ZNF382: variants seen among roughly 807,000 people sequenced by gnomAD.
The protein encoded by ZNF382 is KRAB/zinc finger suppressor protein 1.
Under a neutral mutation model 38.8 loss-of-function variants are expected in ZNF382, and 20 were observed. That is an observed-to-expected ratio of 0.51 (90% CI 0.36 to 0.75). The LOEUF is 0.75. Ranked by LOEUF, ZNF382 falls within the 30% of genes least tolerant of loss-of-function variation. The pLI, the probability that ZNF382 is intolerant of heterozygous loss-of-function variation, is 0.00. For synonymous variants in ZNF382, 202 were observed against 223.1 expected (o/e 0.91, Z 0.84); for missense variants, 546 against 654.1 (o/e 0.83, Z 1.80).
intron 4 of ZNF382, among the ~76,000 whole-genome samples, chr19:36,622,309 C>T (rs1055292174): frequency 5.3e-5 from 8 of 152,130 alleles, no homozygotes; most frequent in Non-Finnish European, 1.2e-4. Context: ...GCATGAGCCA[C>T]CGGTGGCACC....
In ZNF382 at chr19:36,627,136, TG is replaced by T. The variant is rs769162959; in HGVS notation, c.1242del (p.Lys415ArgfsTer130). ...AGAAACCGTATCAGTGTAATGAGTG[TG>T]GGAAGGCATTTATCCAGAAGACAAC... ...GEKPYQCNEC[G>X]KAFIQKTTLT... is the part of the protein sequence containing the mutation. On this transcript the variant is annotated frameshift_variant, in exon 5 of 5. Transcript: ENST00000292928. LOFTEE classifies it high-confidence loss of function. 6.2e-7 allele frequency: 1 copy of T among 1,614,076 alleles called. No individual in the cohort carries two copies. Among genetic ancestry groups the T allele is most frequent in the Non-Finnish European group, 8.5e-7 (1 of 1,180,026 alleles).
At chr19:36,610,594 T>G in intron 3 of ZNF382, 56 bp from the exon 4 acceptor site, 3 of 1,429,046 alleles carry the variant, frequency 2.1e-6, no homozygotes. Flanking sequence ...TTATCTTACT[T>G]CAATAGTTTT....
rs1208317702 is a variant in ZNF382, at chr19:36,631,094, T to C, written c.*3544T>C. On this transcript the variant is annotated 3_prime_UTR_variant, in exon 5 of 5. Coordinates refer to ENST00000292928, the MANE Select transcript of ZNF382 (RefSeq NM_032825.5). ...GCCACTTCACTCACTTTAGAGATTT[T>C]CACTTTATGAATTGATAAATACAGC... 1 of 152,096 alleles carries C rather than the reference T, an allele frequency of 6.6e-6. No homozygotes were observed. Among genetic ancestry groups the C allele is most frequent in the Non-Finnish European group, 1.5e-5 (1 of 68,022 alleles). The allele number at this position is 152,096 out of a possible 1,614,324, so 9.4% of individuals were successfully genotyped here.
At chr19:36,616,007 G>C (rs1041962710) in intron 4 of ZNF382, among the ~76,000 whole-genome samples, 2 of 152,018 alleles carry the variant, frequency 1.3e-5, no homozygotes, top group Non-Finnish European at 2.9e-5. Flanking sequence ...TACATTTCTG[G>C]GGGTGTTAGG....
In ZNF382 at chr19:36,626,545, A is replaced by C; in HGVS notation, c.648A>C (p.Glu216Asp). Residue 216 changes from glutamate (E) to aspartate (D), a missense_variant, in exon 5 of 5, where the codon GAA becomes GAC. Coordinates refer to ENST00000292928, the MANE Select transcript of ZNF382 (RefSeq NM_032825.5). ...CAGAGCAACCATTTGACCATAATGA[A>C]TGTGAAAAATCCTTCCTGATGAAAG... Reference protein sequence around the residue: ...QAPEQPFDHNECEKSFLMKGM... With the variant: ...QAPEQPFDHNDCEKSFLMKGM... The C allele has an allele frequency of 6.2e-7, 1 of 1,613,318 alleles. No homozygotes were observed. Among genetic ancestry groups the C allele is most frequent in the Non-Finnish European group, 8.5e-7 (1 of 1,179,802 alleles).
Position 36,627,000 on chromosome 19 carries a change from C to G in ZNF382, c.1103C>G (p.Thr368Ser), listed in dbSNP as rs537671705. Residue 368 changes from threonine to serine, a missense_variant, in exon 5 of 5, where the codon ACT becomes AGT. Physicochemically the swap from Thr to Ser is moderately conservative, Grantham distance 58. Transcript: ENST00000292928. The stretch of plus-strand genomic sequence containing the variant: ...TCCTTCCGCCAGAAGGCCACCCTCA[C>G]TAGACATCACAAAACACATACGGGG... ...GKSFRQKATL[T>S]RHHKTHTGEK... The G allele has an allele frequency of 3.0e-5, 48 of 1,614,054 alleles. 1 individual carries two copies. In the East Asian group the frequency reaches 1.0e-3, roughly 35 times the overall value.
At position 36,629,312 on chromosome 19, in the gene ZNF382, T is replaced by C. The variant is rs2037238799; in HGVS notation, c.*1762T>C. ...ATACCGAGACCATAATGCTAGGAAGTCTATGTGTAGGCCCCCTGGTCAACA... is the reference window on the plus strand; with the variant it reads ...ATACCGAGACCATAATGCTAGGAAGCCTATGTGTAGGCCCCCTGGTCAACA... On this transcript the variant is annotated 3_prime_UTR_variant, in exon 5 of 5. Transcript: ENST00000292928. 1 of 151,824 alleles carries C rather than the reference T, an allele frequency of 6.6e-6. No homozygotes were observed. The highest frequency in any genetic ancestry group is 2.4e-5 in the African/African-American group (1 of 41,348). 9.4% of individuals were successfully genotyped at this position (151,824 alleles called of 1,614,324 possible). A position where few individuals can be genotyped will look rare whatever the true frequency, so the allele number is the denominator to read the frequency against.
Position 36,627,503 on chromosome 19 carries a change from A to T in ZNF382, c.1606A>T (p.Ile536Phe). 1 of 1,612,416 alleles carries T rather than the reference A, an allele frequency of 6.2e-7. No individual in the cohort carries two copies. Among genetic ancestry groups the T allele is most frequent in the East Asian group, 2.2e-5 (1 of 44,844 alleles). ...GKFFSCKSNLIVHQKTHKVET... is the reference protein window; with the variant it reads ...GKFFSCKSNLFVHQKTHKVET... ...GTTCTTCAGTTGTAAGTCAAACCTC[A>T]TTGTCCATCAGAAAACTCACAAGGT... is the stretch of plus-strand genomic sequence containing the variant. The change falls in exon 5 of 5, where the codon ATT (isoleucine) becomes TTT (phenylalanine). Residue 536 changes from isoleucine (I) to phenylalanine (F), a missense_variant. Coordinates refer to ENST00000292928, the MANE Select transcript of ZNF382 (RefSeq NM_032825.5).
rs1003921978 is a variant in ZNF382, at chr19:36,628,423, G to A, written c.*873G>A. On this transcript the variant is annotated 3_prime_UTR_variant, in exon 5 of 5. Transcript: ENST00000292928. The stretch of plus-strand genomic sequence containing the variant: ...AGATAATTGACACTGAAGGGAAACA[G>A]CTATAAATTTTATCAATATGGTGCT... 2.6e-5 allele frequency: 4 copies of A among 152,910 alleles called. No homozygotes were observed. The highest frequency in any genetic ancestry group is 5.9e-5 in the Non-Finnish European group (4 of 68,090). 9.5% of individuals were successfully genotyped at this position (152,910 alleles called of 1,614,324 possible).
At chr19:36,621,109 C>T (rs1330593857) in intron 4 of ZNF382, among the ~76,000 whole-genome samples, 3 of 152,068 alleles carry the variant, frequency 2.0e-5, no homozygotes, top group Admixed American at 2.0e-4. Flanking sequence ...CTCTTGTTCC[C>T]ATAATCAGCC....
intron 2 of ZNF382, 44 bp from the exon 3 acceptor site, chr19:36,609,858 T>G: frequency 6.5e-7 from 1 of 1,532,492 alleles, no homozygotes; most frequent in Non-Finnish European, 8.8e-7. Context: ...TTGTCAGTAC[T>G]AGGTCTCCAA....
In ZNF382 at chr19:36,627,654, G is replaced by A; in HGVS notation, c.*104G>A. ...AACAGTTTAAGGTACTATACCACAT[G>A]GTAACCTACTGTTTGCCAGCCTGTA... On this transcript the variant is annotated 3_prime_UTR_variant, in exon 5 of 5. Transcript: ENST00000292928. 1 of 710,490 alleles carries A rather than the reference G, an allele frequency of 1.4e-6. No individual in the cohort carries two copies. The highest frequency in any genetic ancestry group is 2.3e-6 in the Non-Finnish European group (1 of 435,878). The allele number at this position is 710,490 out of a possible 1,614,324, so 44.0% of individuals were successfully genotyped here.
At chr19:36,610,092 CCTT>C (rs752479196) in intron 3 of ZNF382, 39 bp downstream of exon 3, 37 of 1,602,652 alleles carry the variant, frequency 2.3e-5, no homozygotes, top group Non-Finnish European at 3.0e-5. Flanking sequence ...TCATGCATCT[CCTT>C]CTAAGAATTC....
At chr19:36,625,224 C>T (rs1420122886) in intron 4 of ZNF382, among the ~76,000 whole-genome samples, 2 of 149,068 alleles carry the variant, frequency 1.3e-5, no homozygotes, top group Non-Finnish European at 3.0e-5. Flanking sequence ...TCCAGATTCT[C>T]TGCTTTCAAG....
At chr19:36,614,476 A>G (rs1410376945) in intron 4 of ZNF382, among the ~76,000 whole-genome samples, 2 of 152,234 alleles carry the variant, frequency 1.3e-5, no homozygotes, top group South Asian at 2.1e-4. Context: ...CTAATGTCTT[A>G]GCAATATTGA....
At position 36,629,110 on chromosome 19, in the gene ZNF382, C is replaced by G. The variant is rs570469074; in HGVS notation, c.*1560C>G. On this transcript the variant is annotated 3_prime_UTR_variant, in exon 5 of 5. Coordinates refer to ENST00000292928, the MANE Select transcript of ZNF382 (RefSeq NM_032825.5). ...CCGGGTAGCTGAGATTACAGGCACA[C>G]GCCACACGCACAGCTAATTTTCGTA... is the stretch of plus-strand genomic sequence containing the variant. The G allele has an allele frequency of 4.0e-5, 6 of 151,698 alleles. No individual in the cohort carries two copies. The highest frequency in any genetic ancestry group is 3.9e-4 in the Admixed American group (6 of 15,222). The allele number at this position is 151,698 out of a possible 1,614,324, so 9.4% of individuals were successfully genotyped here. A position where few individuals can be genotyped will look rare whatever the true frequency, so the allele number is the denominator to read the frequency against.
Position 36,627,445 on chromosome 19 carries a change from C to T in ZNF382, c.1548C>T (p.Gly516=), listed in dbSNP as rs754107362. 2.5e-5 allele frequency: 40 copies of T among 1,613,758 alleles called. No homozygotes were observed. Among genetic ancestry groups the T allele is most frequent in the Non-Finnish European group, 3.0e-5 (35 of 1,179,956 alleles). Residue 516 remains glycine (G), a synonymous_variant, in exon 5 of 5, where the codon GGC becomes GGT. Transcript: ENST00000292928. ...NLIRHQKTHT[G]EKPYECKQCG... ...TTCGCCATCAGAAAACTCACACAGG[C>T]GAGAAACCATATGAATGTAAACAGT...
In ZNF382 at chr19:36,626,376, A is replaced by G. The variant is rs777795980; in HGVS notation, c.479A>G (p.Lys160Arg). The change falls in exon 5 of 5, where the codon AAG (lysine) becomes AGG (arginine). Residue 160 changes from lysine (K) to arginine (R), a missense_variant. Lys to Arg is a conservative substitution (Grantham distance 26). Transcript: ENST00000292928. ...VIRNISPIKE[K>R]FGDSTGWEKS... ...AGAAATATAAGCCCCATAAAAGAGA[A>G]GTTTGGTGACAGTACTGGATGGGAG... 6 of 1,579,710 alleles carry G rather than the reference A, an allele frequency of 3.8e-6. No individual in the cohort carries two copies. The Admixed American group carries it at 1.2e-4, about 31-fold the overall frequency.
chr19:36,626,665 T>C lies in ZNF382; in HGVS notation c.768T>C (p.Ser256=), dbSNP rs371643629. 93 of 1,614,100 alleles carry C rather than the reference T, an allele frequency of 5.8e-5. 1 individual carries two copies. In the Middle Eastern group the frequency reaches 6.6e-4, roughly 11 times the overall value. Residue 256 remains serine, a synonymous_variant, in exon 5 of 5, where the codon AGT becomes AGC. Coordinates refer to ENST00000292928, the MANE Select transcript of ZNF382 (RefSeq NM_032825.5). The part of the protein sequence containing the change: ...GIAFIEKSSL[S]VHPSNLMEKK... The stretch of plus-strand genomic sequence containing the variant: ...CCTTCATAGAAAAGTCAAGCCTCAG[T>C]GTCCATCCAAGTAATCTTATGGAAA...
Sources: gnomAD v4.1 joint callset for allele counts (sites outside exome capture counted in the v4.1 genomes callset) on GRCh38, gnomAD v4.1.1 for gene constraint, MANE v1.5 for transcripts, NCBI Gene and HGNC (gene_info 2026-07-23, HGNC 2026-07-21) for gene names.